LAMA2: variants seen among roughly 807,000 people sequenced by gnomAD.
LAMA2 encodes the protein laminin subunit alpha 2, also known as laminin subunit alpha-2.
In LAMA2, 269 loss-of-function variants were observed where a neutral mutation model predicts 364.8. The ratio of observed to expected loss-of-function variants is 0.74; its 90% CI spans 0.67 to 0.82. The LOEUF (loss-of-function observed/expected upper bound fraction) is 0.82, where lower values mean the gene tolerates loss of function less well. Ranked by LOEUF, LAMA2 falls within the 40% of genes least tolerant of loss-of-function variation. The pLI, the probability that LAMA2 is intolerant of heterozygous loss-of-function variation, is 0.00. For missense variants in LAMA2, 3,807 were observed against 3,873.2 expected, an observed-to-expected ratio of 0.98 and a Z score of 0.45; for synonymous variants, 1,379 against 1,370.6, an observed-to-expected ratio of 1.01 and a Z score of -0.14.
At chr6:129,495,304 G>A (rs964692539) in intron 58 of LAMA2, among the ~76,000 whole-genome samples, 4 of 151,952 alleles carry the variant, frequency 2.6e-5, no homozygotes, top group African/African-American at 9.7e-5. Context: ...TCCTTCCCTA[G>A]GCTAACCATT....
chr6:129,080,083 A>G (rs950631252), intron 3 of LAMA2, among the ~76,000 whole-genome samples: 19 of 152,288 alleles, frequency 1.2e-4, no homozygotes, highest in African/African-American at 3.1e-4. Flanking sequence ...CCAGAGAGTT[A>G]CTACTGGCAC....
intron 3 of LAMA2, among the ~76,000 whole-genome samples, chr6:129,079,360 T>G (rs563805824): frequency 6.7e-5 from 10 of 150,206 alleles, no homozygotes; most frequent in African/African-American, 2.4e-4. Context: ...ACATTGTATA[T>G]ATGGGCTTCA....
chr6:129,058,650 T>C (rs2114793266), intron 2 of LAMA2, among the ~76,000 whole-genome samples: 1 of 152,282 alleles, frequency 6.6e-6, no homozygotes, highest in East Asian at 1.9e-4. Context: ...TGATAGAAAA[T>C]TGGCAAGTTA....
At chr6:128,963,423 T>C (rs756049716) in intron 1 of LAMA2, among the ~76,000 whole-genome samples, 10 of 152,176 alleles carry the variant, frequency 6.6e-5, no homozygotes, top group African/African-American at 1.4e-4. Context: ...ACAGTCAACA[T>C]TTCCAATCAT....
intron 15 of LAMA2, among the ~76,000 whole-genome samples, chr6:129,264,896 G>C (rs987085230): frequency 6.6e-6 from 1 of 152,138 alleles, no homozygotes; most frequent in Non-Finnish European, 1.5e-5. Context: ...GTGTGAAAAA[G>C]AGGTGAGGAA....
intron 3 of LAMA2, among the ~76,000 whole-genome samples, chr6:129,079,730 A>T (rs188061098): frequency 8.3e-4 from 126 of 152,256 alleles, no homozygotes; most frequent in African/African-American, 3.0e-3. Context: ...GTAAAATTTG[A>T]GAATCTTGAA....
intron 64 of LAMA2, among the ~76,000 whole-genome samples, chr6:129,515,619 A>G (rs970108934): frequency 6.5e-5 from 6 of 92,904 alleles, no homozygotes; most frequent in African/African-American, 1.4e-4. Flanking sequence ...GTCACCTTCA[A>G]AAAGTTCTAA....
chr6:128,884,965 TC>T, intron 1 of LAMA2, among the ~76,000 whole-genome samples: 1 of 152,272 alleles, frequency 6.6e-6, no homozygotes, highest in South Asian at 2.1e-4. Flanking sequence ...TTTTTTCCTC[TC>T]CCTTCTTATT....
rs146065946 is a variant in LAMA2, at chr6:129,209,247, A to G, written c.1782+16394A>G. On this transcript the variant is annotated intron_variant, in intron 12 of 64. Transcript: ENST00000421865. ...TTTGTTCAAGACAAGTACAGGGATG[A>G]AATGTAAATATGTTAATATCTAATC... Among the ~76,000 whole-genome samples, 620 of 152,346 alleles carry G rather than the reference A, an allele frequency of 4.1e-3. 8 individuals carry two copies. Among genetic ancestry groups the G allele is most frequent in the African/African-American group, 0.013 (520 of 41,584 alleles).
At chr6:129,169,986 T>C (rs1780025928) in intron 9 of LAMA2, among the ~76,000 whole-genome samples, 1 of 151,424 alleles carries the variant, frequency 6.6e-6, no homozygotes, top group African/African-American at 2.5e-5. Context: ...TTAGTTTGTA[T>C]TTCTGTGGGA....
intron 7 of LAMA2, among the ~76,000 whole-genome samples, chr6:129,152,904 G>A (rs1477150726): frequency 1.3e-5 from 2 of 151,942 alleles, no homozygotes; most frequent in African/African-American, 4.8e-5. Flanking sequence ...AAAAAGAACC[G>A]GTTCTAAACA....
intron 3 of LAMA2, among the ~76,000 whole-genome samples, chr6:129,061,022 A>C (rs1228783224): frequency 6.6e-6 from 1 of 152,170 alleles, no homozygotes; most frequent in Non-Finnish European, 1.5e-5. Context: ...AGTTAATAAT[A>C]TTTCTCAGGA....
At chr6:128,960,518 C>A (rs1781420943) in intron 1 of LAMA2, among the ~76,000 whole-genome samples, 1 of 149,124 alleles carries the variant, frequency 6.7e-6, no homozygotes, top group Non-Finnish European at 1.5e-5. Flanking sequence ...TGCCACCAAA[C>A]CCGGCTAATT....
intron 1 of LAMA2, among the ~76,000 whole-genome samples, chr6:128,910,045 G>T (rs1006242768): frequency 3.3e-5 from 5 of 151,800 alleles, no homozygotes; most frequent in Non-Finnish European, 1.5e-5. Flanking sequence ...GGTAACCCGT[G>T]CTTTCTCTCT....
chr6:128,921,766 T>C (rs1778750702), intron 1 of LAMA2, among the ~76,000 whole-genome samples: 1 of 151,452 alleles, frequency 6.6e-6, no homozygotes. Flanking sequence ...TGCCGATTAG[T>C]TACATATGTA....
chr6:129,300,938 A>G (rs1196365262), intron 22 of LAMA2, 66 bp downstream of exon 22: 1 of 1,411,940 alleles, frequency 7.1e-7, no homozygotes, highest in Non-Finnish European at 1.0e-6. Context: ...GAGCTCTGTA[A>G]TTGGGCATTT....
intron 12 of LAMA2, among the ~76,000 whole-genome samples, chr6:129,248,150 C>T (rs558355168): frequency 3.9e-5 from 6 of 152,096 alleles, no homozygotes; most frequent in Admixed American, 2.0e-4. Flanking sequence ...ACTGCGCATG[C>T]GAGGGATCTA....
chr6:129,375,116 A>G (rs1207244524), intron 34 of LAMA2, among the ~76,000 whole-genome samples: 2 of 152,126 alleles, frequency 1.3e-5, no homozygotes, highest in Non-Finnish European at 2.9e-5. Flanking sequence ...CCAAGAACTC[A>G]TATTTAAAAT....
intron 34 of LAMA2, among the ~76,000 whole-genome samples, chr6:129,380,304 T>A (rs1778606638): frequency 6.6e-6 from 1 of 152,158 alleles, no homozygotes; most frequent in Admixed American, 6.5e-5. Context: ...GCAAGAAGAA[T>A]GGTAATAAGG....
Sources: allele counts gnomAD v4.1 joint callset (sites outside exome capture counted in the v4.1 genomes callset), GRCh38; gene constraint gnomAD v4.1.1; transcripts MANE v1.5; gene names NCBI Gene and HGNC (gene_info 2026-07-23, HGNC 2026-07-21).